Variants in FADS3 observed in about 807,000 individuals in gnomAD.
FADS3 encodes the protein fatty acid desaturase 3.
FADS3 carries 30 observed loss-of-function variants against 60.4 expected under a neutral mutation model. The ratio of observed to expected loss-of-function variants is 0.50; its 90% CI spans 0.37 to 0.67. FADS3 has a LOEUF of 0.67. Ranked by LOEUF, FADS3 falls within the 30% of genes least tolerant of loss-of-function variation. The pLI, the probability that FADS3 is intolerant of heterozygous loss-of-function variation, is 0.00. For synonymous variants in FADS3, 234 were observed against 249.3 expected, an observed-to-expected ratio of 0.94 and a Z score of 0.58; for missense variants, 432 against 598.3, an observed-to-expected ratio of 0.72 and a Z score of 2.90.
chr11:61,878,707 G>T (rs373812045), intron 4 of FADS3, 39 bp downstream of exon 4: 1 of 1,611,898 alleles, frequency 6.2e-7, no homozygotes, highest in South Asian at 1.1e-5. Context: ...CAGACCCAGC[G>T]CCACCCAGCA....
At chr11:61,879,644 A>T in intron 2 of FADS3, 135 bp from the exon 3 acceptor site, 1 of 852,858 alleles carries the variant, frequency 1.2e-6, no homozygotes, top group Non-Finnish European at 1.8e-6. Context: ...AAGAGTACCC[A>T]GCCCGGGGTG....
chr11:61,877,675 G>T lies in FADS3; in HGVS notation c.809-88C>A. ...AGAGTGAGGGGCTCTGTTACTCCAG[G>T]AATGCCCCTGGGACGTTGGTGCTGG... On this transcript the variant is annotated intron_variant, in intron 6 of 11. Transcript: ENST00000278829. This position sits in a 1 kb window ranked among gnomAD's most constrained non-coding sequence, Gnocchi z 4.7. 8.2e-7 allele frequency: 1 copy of T among 1,221,492 alleles called. No individual in the cohort carries two copies. 75.7% of individuals were successfully genotyped at this position (1,221,492 alleles called of 1,614,324 possible). A position where few individuals can be genotyped will look rare whatever the true frequency, so the allele number is the denominator to read the frequency against.
At chr11:61,889,400 C>T (rs1049590377) in intron 1 of FADS3, among the ~76,000 whole-genome samples, 6 of 152,084 alleles carry the variant, frequency 3.9e-5, no homozygotes, top group East Asian at 2.0e-4. Flanking sequence ...GCCTGTAATC[C>T]CAGCGCTTTG....
chr11:61,876,944 C>T lies in FADS3; in HGVS notation c.905G>A (p.Ser302Asn). The T allele has an allele frequency of 6.2e-7, 1 of 1,605,272 alleles. No homozygotes were observed. The highest frequency in any genetic ancestry group is 8.5e-7 in the Non-Finnish European group (1 of 1,176,876). ...GGATAAGAAGAAGCGGGCATAGAAG[C>T]TGGCGGCCCAGAGCAAATCCTGCAG... ...MQWADLLWAASFYARFFLSYL... is the reference protein window; with the variant it reads ...MQWADLLWAANFYARFFLSYL... Residue 302 changes from serine to asparagine, a missense_variant, in exon 8 of 12, where the codon AGC becomes AAC. By Grantham distance (46) the Ser-to-Asn change is conservative. Transcript: ENST00000278829. This position sits in a 1 kb window ranked among gnomAD's most constrained non-coding sequence, Gnocchi z 5.7.
chr11:61,890,205 G>T (rs895285812), intron 1 of FADS3: 13 of 152,160 alleles, frequency 8.5e-5, no homozygotes, highest in African/African-American at 2.4e-4. Context: ...GGGAAAAGAG[G>T]GGCTTTCTTC....
Position 61,877,012 on chromosome 11 carries a change from G to C in FADS3, c.886-49C>G, listed in dbSNP as rs1423903925. ...ACCGAGAGGTCTCCAGGTGCCCGGA[G>C]GTCTGGAGGCCTGGTGGGTGGGAGG... is the stretch of plus-strand genomic sequence containing the variant. On this transcript the variant is annotated intron_variant, in intron 7 of 11. Coordinates refer to ENST00000278829, the MANE Select transcript of FADS3 (RefSeq NM_021727.5). The surrounding 1 kb of genome is among the most constrained non-coding windows in gnomAD (Gnocchi z 4.7). The C allele has an allele frequency of 1.5e-6, 2 of 1,376,748 alleles. No individual in the cohort carries two copies. Among genetic ancestry groups the C allele is most frequent in the East Asian group, 2.4e-5 (1 of 41,068 alleles). 85.3% of individuals were successfully genotyped at this position (1,376,748 alleles called of 1,614,324 possible).
intron 1 of FADS3, among the ~76,000 whole-genome samples, chr11:61,888,601 G>T (rs1457323038): frequency 6.6e-6 from 1 of 152,282 alleles, no homozygotes; most frequent in African/African-American, 2.4e-5. Context: ...ACCAAATAAG[G>T]TCACCCAGGA....
chr11:61,880,383 A>G, intron 1 of FADS3: 2 of 376,770 alleles, frequency 5.3e-6, no homozygotes, highest in Non-Finnish European at 9.5e-6. Flanking sequence ...CACTTCACCC[A>G]GCACAAGGGC....
chr11:61,884,586 C>T (rs1938246156), intron 1 of FADS3, among the ~76,000 whole-genome samples: 1 of 152,178 alleles, frequency 6.6e-6, no homozygotes, highest in Non-Finnish European at 1.5e-5. Flanking sequence ...CAGTCACTAT[C>T]TCAAGAAGCC....
intron 5 of FADS3, 68 bp from the exon 6 acceptor site, chr11:61,878,283 C>T (rs764767024): frequency 8.4e-6 from 13 of 1,549,148 alleles, no homozygotes; most frequent in East Asian, 4.5e-5. Context: ...GGCAAGGTCA[C>T]GGGGCTGGCT....
chr11:61,881,660 T>TA (rs945672711), intron 1 of FADS3: 1 of 152,104 alleles, frequency 6.6e-6, no homozygotes, highest in African/African-American at 2.4e-5. Context: ...TGGTGAGTCT[T>TA]AAAACGGAAG....
rs777591429 is a variant in FADS3 at position 61,876,042 on chromosome 11, GTCCCCTCCCAGGA to G, written c.1160+56_1161-67del. On this transcript the variant is annotated intron_variant, in intron 10 of 11. Transcript: ENST00000278829. The surrounding 1 kb of genome is among the most constrained non-coding windows in gnomAD (Gnocchi z 5.7). The stretch of plus-strand genomic sequence containing the variant: ...TTCCAGAGAGAGGCCCCACCCACGG[GTCCCCTCCCAGGA>G]TCCCCTCCCAGGACCCCCTCCCCAC... 3.8e-4 allele frequency: 611 copies of G among 1,610,628 alleles called. No homozygotes were observed. The highest frequency in any genetic ancestry group is 7.8e-4 in the Admixed American group (47 of 59,970).
rs1160609446 is a variant in FADS3, at chr11:61,891,463, G to A, written c.-82C>T. 9.5e-7 allele frequency: 1 copy of A among 1,056,012 alleles called. No homozygotes were observed. The highest frequency in any genetic ancestry group is 1.6e-5 in the African/African-American group (1 of 60,708). 65.4% of individuals were successfully genotyped at this position (1,056,012 alleles called of 1,614,324 possible). A position where few individuals can be genotyped will look rare whatever the true frequency, so the allele number is the denominator to read the frequency against. On this transcript the variant is annotated 5_prime_UTR_variant, in exon 1 of 12. Coordinates refer to ENST00000278829, the MANE Select transcript of FADS3 (RefSeq NM_021727.5). ...CGAGGGAAGCGAAGAGCGCTCCCGG[G>A]CGCCGCCTCCGCCGCCGCCCGCTGC...
At position 61,885,722 on chromosome 11, in the gene FADS3, G is replaced by C. The variant is rs374094655; in HGVS notation, c.213+5447C>G. 7.9e-5 allele frequency among the ~76,000 whole-genome samples: 12 copies of C among 152,332 alleles called. No individual in the cohort carries two copies. In the East Asian group the frequency reaches 2.1e-3, roughly 27 times the overall value. On this transcript the variant is annotated intron_variant, in intron 1 of 11. Coordinates refer to ENST00000278829, the MANE Select transcript of FADS3 (RefSeq NM_021727.5). ...ATGTGCCAGATCAGTCAGGAAGGGG[G>C]TGAAGCAGGGAGTGTGGCAGGGCTG...
chr11:61,890,116 GTTCTCTTTTTTTTTTTT>G (rs1251087012), intron 1 of FADS3: 4 of 116,844 alleles, frequency 3.4e-5, no homozygotes, highest in African/African-American at 5.3e-5. Flanking sequence ...CGGACAAGGC[GTTCTCTTTTTTTTTTTT>G]TTCTTTTTTT....
chr11:61,879,280 T>C, intron 3 of FADS3, 32 bp downstream of exon 3: 1 of 1,545,288 alleles, frequency 6.5e-7, no homozygotes, highest in Non-Finnish European at 8.7e-7. Context: ...TGTTGGGCAG[T>C]TAAGGTGGCT....
chr11:61,890,179 C>T (rs1170321099), intron 1 of FADS3: 4 of 150,980 alleles, frequency 2.6e-5, no homozygotes, highest in Non-Finnish European at 4.4e-5. Flanking sequence ...CACTCCTCAG[C>T]TTCATGGGGT....
chr11:61,883,809 C>T (rs979672347), intron 1 of FADS3, among the ~76,000 whole-genome samples: 1 of 151,454 alleles, frequency 6.6e-6, no homozygotes, highest in East Asian at 1.9e-4. Flanking sequence ...CAGAACCAAG[C>T]CTGCCCCAGG....
At chr11:61,880,222 A>G in intron 1 of FADS3, 71 bp from the exon 2 acceptor site, 1 of 1,263,228 alleles carries the variant, frequency 7.9e-7, no homozygotes, top group Non-Finnish European at 1.1e-6. Flanking sequence ...CAGCAGAGAC[A>G]GGCGGAAGGA....
Sources: gnomAD v4.1 joint callset for allele counts (sites outside exome capture counted in the v4.1 genomes callset) on GRCh38, gnomAD v4.1.1 for gene constraint, Gnocchi (gnomAD v3.1) non-coding constraint, MANE v1.5 for transcripts, NCBI Gene and HGNC (gene_info 2026-07-23, HGNC 2026-07-21) for gene names.